The following RTN1 variants were observed in gnomAD, a reference collection of about 807,000 sequenced individuals.
RTN1 encodes the protein reticulon-1.
In RTN1, 25 loss-of-function variants were observed where a neutral mutation model predicts 65.5. The ratio of observed to expected loss-of-function variants is 0.38; its 90% CI spans 0.28 to 0.53. The LOEUF is 0.53. Ranked by LOEUF, RTN1 falls within the 20% of genes least tolerant of loss-of-function variation. RTN1 has a pLI of 0.79. For synonymous variants in RTN1, 471 were observed against 447.6 expected (o/e 1.05, Z -0.66); for missense variants, 983 against 1,025.4 (o/e 0.96, Z 0.57).
At chr14:59,786,879 C>A (rs1393378051) in intron 1 of RTN1, among the ~76,000 whole-genome samples, 1 of 152,048 alleles carries the variant, frequency 6.6e-6, no homozygotes, top group Non-Finnish European at 1.5e-5. Flanking sequence ...AACTTAGTAA[C>A]CGAACTGCAG....
At chr14:59,654,288 C>T (rs1283751209) in intron 3 of RTN1, among the ~76,000 whole-genome samples, 3 of 151,940 alleles carry the variant, frequency 2.0e-5, no homozygotes, top group African/African-American at 4.8e-5. Flanking sequence ...ACAAGCCAGA[C>T]ATGGTGGCTC....
intron 3 of RTN1, among the ~76,000 whole-genome samples, chr14:59,678,518 C>T (rs1883676686): frequency 6.6e-6 from 1 of 152,220 alleles, no homozygotes; most frequent in African/African-American, 2.4e-5. Flanking sequence ...TGCAGCATCC[C>T]TGTTTCTCTA....
chr14:59,742,212 G>C (rs1885129113), intron 2 of RTN1, among the ~76,000 whole-genome samples: 1 of 152,134 alleles, frequency 6.6e-6, no homozygotes, highest in Admixed American at 6.6e-5. Flanking sequence ...ACTTTTAATT[G>C]CTCATTTCTT....
At chr14:59,653,367 A>G (rs1445010791) in intron 3 of RTN1, among the ~76,000 whole-genome samples, 1 of 141,796 alleles carries the variant, frequency 7.1e-6, no homozygotes, top group African/African-American at 2.6e-5. Context: ...AAGATAATTC[A>G]TTGCTAGCAG....
At chr14:59,605,000 A>G (rs1368558963) in intron 5 of RTN1, 1 of 160,172 alleles carries the variant, frequency 6.2e-6, no homozygotes, top group African/African-American at 2.4e-5. Context: ...TGGTTTTCAC[A>G]TTCCCTATCT....
chr14:59,611,023 G>C (rs563849922), intron 3 of RTN1, among the ~76,000 whole-genome samples: 5 of 152,254 alleles, frequency 3.3e-5, no homozygotes, highest in Admixed American at 2.0e-4. Flanking sequence ...CACCCACAAA[G>C]TTATCCTTAA....
At chr14:59,662,116 A>AT in intron 3 of RTN1, among the ~76,000 whole-genome samples, 1 of 151,678 alleles carries the variant, frequency 6.6e-6, no homozygotes, top group East Asian at 1.9e-4. Context: ...TTTTTATTTT[A>AT]TTTTTTTATT....
chr14:59,698,527 T>G (rs1346893279), intron 3 of RTN1, among the ~76,000 whole-genome samples: 1 of 152,192 alleles, frequency 6.6e-6, no homozygotes, highest in Non-Finnish European at 1.5e-5. Context: ...AAGTCTTTCC[T>G]GTGCTCTTGC....
intron 1 of RTN1, 92 bp from the exon 2 acceptor site, chr14:59,746,573 A>G: frequency 9.1e-7 from 1 of 1,098,136 alleles, no homozygotes. Context: ...CCTGGTGAAG[A>G]CATGACATCC....
intron 3 of RTN1, among the ~76,000 whole-genome samples, chr14:59,711,975 C>A (rs563367625): frequency 3.2e-4 from 49 of 152,250 alleles, no homozygotes; most frequent in African/African-American, 1.1e-3. Flanking sequence ...CTTCCTCTGG[C>A]ATGGCAACCT....
In RTN1 at chr14:59,856,207, G is replaced by A. The variant is rs991483320; in HGVS notation, c.241+14183C>T. 2.0e-5 allele frequency among the ~76,000 whole-genome samples: 3 copies of A among 152,062 alleles called. No individual in the cohort carries two copies. The East Asian group carries it at 5.8e-4, about 29-fold the overall frequency. On this transcript the variant is annotated intron_variant, in intron 1 of 8. Coordinates refer to ENST00000267484, the MANE Select transcript of RTN1 (RefSeq NM_021136.3). ...CCTTTCTATTTATTTTATATGCAAT[G>A]TCCAGGATTTTTAGCTGTATTTAGC...
chr14:59,766,312 A>G lies in RTN1; in HGVS notation c.242-19831T>C, dbSNP rs1885849806. On this transcript the variant is annotated intron_variant, in intron 1 of 8. Coordinates refer to ENST00000267484, the MANE Select transcript of RTN1 (RefSeq NM_021136.3). This position sits in a 1 kb window ranked among gnomAD's most constrained non-coding sequence, Gnocchi z 4.4. ...GTTTTCGAAATAAATGCTTACTGAA[A>G]AGAGCAGCTGGATAGAAAACAGAGA... is the stretch of plus-strand genomic sequence containing the variant. 6.6e-6 allele frequency among the ~76,000 whole-genome samples: 1 copy of G among 152,226 alleles called. No homozygotes were observed. The highest frequency in any genetic ancestry group is 2.4e-5 in the African/African-American group (1 of 41,454).
chr14:59,751,293 T>C (rs1451498818), intron 1 of RTN1, among the ~76,000 whole-genome samples: 4 of 151,548 alleles, frequency 2.6e-5, no homozygotes, highest in Non-Finnish European at 5.9e-5. Flanking sequence ...TTGTCCTTAT[T>C]TCCTAAGCAT....
chr14:59,690,304 T>TGG (rs371284799), intron 3 of RTN1, among the ~76,000 whole-genome samples: 86 of 141,408 alleles, frequency 6.1e-4, no homozygotes, highest in African/African-American at 2.2e-3. Context: ...AGAGCGGAGG[T>TGG]GGGGGGGGGT....
At chr14:59,640,813 ATTT>A (rs1882763651) in intron 3 of RTN1, among the ~76,000 whole-genome samples, 2 of 151,980 alleles carry the variant, frequency 1.3e-5, no homozygotes, top group South Asian at 4.2e-4. Flanking sequence ...AAAGAATAAA[ATTT>A]TTACTTTTTT....
chr14:59,806,306 A>C (rs1013609461), intron 1 of RTN1, among the ~76,000 whole-genome samples: 1 of 151,720 alleles, frequency 6.6e-6, no homozygotes, highest in Non-Finnish European at 1.5e-5. Flanking sequence ...AATCCCATTA[A>C]ATTATATTTC....
chr14:59,857,326 A>C (rs891010279), intron 1 of RTN1, among the ~76,000 whole-genome samples: 1 of 151,440 alleles, frequency 6.6e-6, no homozygotes, highest in Non-Finnish European at 1.5e-5. Flanking sequence ...GTTGTCACCT[A>C]CAAAATCCAT....
In RTN1 at chr14:59,729,980, T is replaced by A. The variant is rs536157822; in HGVS notation, c.1016-2312A>T. On this transcript the variant is annotated intron_variant, in intron 2 of 8. Coordinates refer to ENST00000267484, the MANE Select transcript of RTN1 (RefSeq NM_021136.3). Reference sequence around the variant, plus strand: ...TAGCAGGCTTCAAGAACGCTGTTCCTTCCTCTTGGTCTTTAGGTCTAGGGG... The same window carrying A: ...TAGCAGGCTTCAAGAACGCTGTTCCATCCTCTTGGTCTTTAGGTCTAGGGG... Among the ~76,000 whole-genome samples the A allele has an allele frequency of 7.2e-5, 11 of 152,342 alleles. No homozygotes were observed. The South Asian group carries it at 2.3e-3, about 32-fold the overall frequency.
chr14:59,849,731 A>G lies in RTN1; in HGVS notation c.241+20659T>C, dbSNP rs746216367. Among the ~76,000 whole-genome samples, 3 of 152,170 alleles carry G rather than the reference A, an allele frequency of 2.0e-5. No individual in the cohort carries two copies. Among genetic ancestry groups the G allele is most frequent in the Non-Finnish European group, 4.4e-5 (3 of 68,026 alleles). On this transcript the variant is annotated intron_variant, in intron 1 of 8. Transcript: ENST00000267484. The surrounding 1 kb of genome is among the most constrained non-coding windows in gnomAD (Gnocchi z 4.5). ...TTTCTCCTGGTTTAAGGATCTAAGC[A>G]ATCATAAACATGTGAATTACAATTT... is the stretch of plus-strand genomic sequence containing the variant.
Sources: allele counts gnomAD v4.1 joint callset (sites outside exome capture counted in the v4.1 genomes callset), GRCh38; gene constraint gnomAD v4.1.1; non-coding constraint Gnocchi (gnomAD v3.1); transcripts MANE v1.5; gene names NCBI Gene and HGNC (gene_info 2026-07-23, HGNC 2026-07-21).